MVD: variants seen among roughly 807,000 people sequenced by gnomAD.
The protein encoded by MVD is mevalonate diphosphate decarboxylase.
A neutral mutation model predicts 42.4 loss-of-function variants in MVD; 52 were observed. The ratio of observed to expected loss-of-function variants is 1.23; its 90% confidence interval spans 0.98 to 1.55. MVD has a LOEUF of 1.55. Ranked by LOEUF, MVD falls within the 40% of genes most tolerant of loss-of-function variation. MVD has a pLI of 0.00. For missense variants in MVD, 663 were observed against 572.1 expected, an observed-to-expected ratio of 1.16 and a Z score of -1.62; for synonymous variants, 287 against 243.2, an observed-to-expected ratio of 1.18 and a Z score of -1.68.
Position 88,652,582 on chromosome 16 carries a change from C to G in MVD, c.1146G>C (p.Leu382=). Reference sequence around the variant, plus strand: ...CCAGGAGGTGGGCGCAGGGGTCATCCAGGATTTGAGGCCCTGGCCCCACCT... The same window carrying G: ...CCAGGAGGTGGGCGCAGGGGTCATCGAGGATTTGAGGCCCTGGCCCCACCT... ...VTQVGPGPQI[L]DDPCAHLLGP... The change falls in exon 10 of 10, where the codon CTG becomes CTC. Residue 382 remains leucine, a synonymous_variant. Coordinates refer to ENST00000301012, the MANE Select transcript of MVD (RefSeq NM_002461.3). 6.4e-7 allele frequency: 1 copy of G among 1,566,698 alleles called. No individual in the cohort carries two copies. Among genetic ancestry groups the G allele is most frequent in the South Asian group, 1.2e-5 (1 of 85,196 alleles).
intron 1 of MVD, chr16:88,659,097 C>T (rs1007045247): frequency 3.6e-5 from 10 of 279,400 alleles, no homozygotes; most frequent in Non-Finnish European, 6.5e-5. Context: ...GCTCATATGC[C>T]CCAGGAACAT....
intron 4 of MVD, chr16:88,657,189 C>T: frequency 1.5e-6 from 1 of 672,912 alleles, no homozygotes; most frequent in East Asian, 3.0e-5. Flanking sequence ...TACAGTGCTT[C>T]TCCCCCATCA....
In MVD at chr16:88,655,363, G is replaced by A. The variant is rs780694192; in HGVS notation, c.733C>T (p.Arg245Trp). The A allele has an allele frequency of 8.8e-6, 14 of 1,599,662 alleles. No homozygotes were observed. Among genetic ancestry groups the A allele is most frequent in the Admixed American group, 1.7e-5 (1 of 58,386 alleles). ...GCGAAGCTGGGGAAGTCTCGCTCCC[G>A]GATGCAGCGGGCCATCTCCGCCATG... ...ARMAEMARCI[R>W]ERDFPSFAQL... Residue 245 changes from arginine to tryptophan, a missense_variant, in exon 7 of 10, where the codon CGG (arginine) becomes TGG (tryptophan). Transcript: ENST00000301012.
intron 4 of MVD, chr16:88,657,066 T>A: frequency 5.1e-6 from 2 of 393,442 alleles, no homozygotes; most frequent in Non-Finnish European, 9.8e-6. Flanking sequence ...GTGGTTTCTA[T>A]CACTGACAAT....
chr16:88,652,749 G>A, intron 9 of MVD, 144 bp from the exon 10 acceptor site: 3 of 771,444 alleles, frequency 3.9e-6, no homozygotes, highest in Non-Finnish European at 6.3e-6. Flanking sequence ...CGCCTGAGTG[G>A]TGACACCCAC....
chr16:88,654,513 C>G (rs143835867), intron 8 of MVD, among the ~76,000 whole-genome samples, 179 bp downstream of exon 8: 2 of 152,192 alleles, frequency 1.3e-5, no homozygotes, highest in African/African-American at 2.4e-5. Flanking sequence ...TCCCTGTGGA[C>G]GTGGGCTGTG....
intron 4 of MVD, 125 bp from the exon 5 acceptor site, chr16:88,656,429 G>C (rs371624588): frequency 9.5e-7 from 1 of 1,051,350 alleles, no homozygotes; most frequent in Admixed American, 2.2e-5. Context: ...CAGGGCTTCT[G>C]GGCCATCAGC....
chr16:88,653,617 C>T (rs1164447272), intron 8 of MVD: 15 of 538,166 alleles, frequency 2.8e-5, no homozygotes, highest in Non-Finnish European at 4.9e-5. Flanking sequence ...GCTCACATGA[C>T]CCTGTGAATG....
At position 88,652,035 on chromosome 16, in the gene MVD, C is replaced by T. The variant is rs1254104120; in HGVS notation, c.*490G>A. 9.7e-6 allele frequency: 2 copies of T among 205,474 alleles called. No homozygotes were observed. The highest frequency in any genetic ancestry group is 2.0e-5 in the Non-Finnish European group (2 of 97,928). The allele number at this position is 205,474 out of a possible 1,614,324, so 12.7% of individuals were successfully genotyped here. A position where few individuals can be genotyped will look rare whatever the true frequency, so the allele number is the denominator to read the frequency against. Reference sequence around the variant, plus strand: ...CCACACCCAGGCCGTGGGCAGCCACCCTCCGAGACACCTGGGCCGGGGGCA... The same window carrying T: ...CCACACCCAGGCCGTGGGCAGCCACTCTCCGAGACACCTGGGCCGGGGGCA... On this transcript the variant is annotated 3_prime_UTR_variant, in exon 10 of 10. Coordinates refer to ENST00000301012, the MANE Select transcript of MVD (RefSeq NM_002461.3).
chr16:88,654,938 G>T, intron 7 of MVD, 131 bp from the exon 8 acceptor site: 1 of 968,750 alleles, frequency 1.0e-6, no homozygotes, highest in South Asian at 1.7e-5. Context: ...CACTGGAGTG[G>T]AGCTGTGACC....
rs1017135110 is a variant in MVD, at chr16:88,662,672, G to T, written c.70+339C>A. On this transcript the variant is annotated intron_variant, in intron 1 of 9. Coordinates refer to ENST00000301012, the MANE Select transcript of MVD (RefSeq NM_002461.3). ...TCCTCCCGCCTCAGCCTCCCGAGTA[G>T]CTGGAGCCACAAACGCGCACCACCA... The T allele has an allele frequency of 9.1e-5, 120 of 1,313,648 alleles. 1 individual carries two copies. In the African/African-American group the frequency reaches 1.5e-3, roughly 16 times the overall value. 81.4% of individuals were successfully genotyped at this position (1,313,648 alleles called of 1,614,324 possible).
In MVD at chr16:88,663,062, G is replaced by T. The variant is rs767956332; in HGVS notation, c.19C>A (p.Leu7Met). 2 of 1,610,142 alleles carry T rather than the reference G, an allele frequency of 1.2e-6. No individual in the cohort carries two copies. Among genetic ancestry groups the T allele is most frequent in the African/African-American group, 1.3e-5 (1 of 74,766 alleles). Residue 7 changes from leucine to methionine, a missense_variant, in exon 1 of 10, where the codon CTG becomes ATG. Coordinates refer to ENST00000301012, the MANE Select transcript of MVD (RefSeq NM_002461.3). ...GGCGCTGTACAAGTGACTGCCGCCAGCGGCTTCTCCGAGGCCATGGTCCCA... is the reference window on the plus strand; with the variant it reads ...GGCGCTGTACAAGTGACTGCCGCCATCGGCTTCTCCGAGGCCATGGTCCCA... MASEKP[L>M]AAVTCTAPVN... is the part of the protein sequence containing the mutation.
intron 2 of MVD, among the ~76,000 whole-genome samples, 194 bp downstream of exon 2, chr16:88,658,456 G>T (rs1908080755): frequency 6.6e-6 from 1 of 151,870 alleles, no homozygotes; most frequent in East Asian, 1.9e-4. Context: ...TCAGAGACAG[G>T]GTCTCACTCT....
At chr16:88,659,915 C>G (rs1283237841) in intron 1 of MVD, among the ~76,000 whole-genome samples, 1 of 150,848 alleles carries the variant, frequency 6.6e-6, no homozygotes, top group East Asian at 1.9e-4. Context: ...TGCACTGAGC[C>G]GAGATGGCAC....
intron 4 of MVD, chr16:88,656,516 A>C: frequency 1.6e-6 from 1 of 608,224 alleles, no homozygotes; most frequent in South Asian, 2.0e-5. Context: ...CTCTCTGTTC[A>C]CGGCCTGCAG....
chr16:88,661,322 TAGCTAG>T, intron 1 of MVD, among the ~76,000 whole-genome samples: 1 of 152,138 alleles, frequency 6.6e-6, no homozygotes, highest in Non-Finnish European at 1.5e-5. Flanking sequence ...ACAAAAAGAT[TAGCTAG>T]TTTGGGAGAC....
At chr16:88,658,789 T>C in intron 1 of MVD, 69 bp from the exon 2 acceptor site, 2 of 1,066,902 alleles carry the variant, frequency 1.9e-6, no homozygotes, top group Non-Finnish European at 1.2e-6. Flanking sequence ...TCCCCACAGG[T>C]GCCCCCACCC....
chr16:88,654,894 C>G, intron 7 of MVD, 87 bp from the exon 8 acceptor site: 1 of 1,322,636 alleles, frequency 7.6e-7, no homozygotes, highest in Non-Finnish European at 1.0e-6. Context: ...CGGCCTTGGG[C>G]TCTCCAAGAG....
chr16:88,654,942 T>C (rs1907810783), intron 7 of MVD, 135 bp from the exon 8 acceptor site: 1 of 956,136 alleles, frequency 1.0e-6, no homozygotes, highest in Admixed American at 2.9e-5. Context: ...GGAGTGGAGC[T>C]GTGACCCCAA....
Sources: gnomAD v4.1 joint callset for allele counts (sites outside exome capture counted in the v4.1 genomes callset) on GRCh38, gnomAD v4.1.1 for gene constraint, MANE v1.5 for transcripts, NCBI Gene and HGNC (gene_info 2026-07-23, HGNC 2026-07-21) for gene names.